The following ELMOD1 variants were observed in gnomAD, a reference collection of about 807,000 sequenced individuals.
ELMOD1 encodes the protein ELMO domain containing 1.
ELMOD1 carries 21 observed loss-of-function variants against 46.7 expected under a neutral mutation model. The observed-to-expected ratio is 0.45, with a 90% CI of 0.32 to 0.65. ELMOD1 has a LOEUF of 0.65. Among genes scored for constraint, ELMOD1 ranks in the 30% least tolerant of loss-of-function variants. The pLI, the probability that ELMOD1 is intolerant of heterozygous loss-of-function variation, is 0.04. For missense variants in ELMOD1, 348 were observed against 407.8 expected (o/e 0.85, Z 1.26); for synonymous variants, 122 against 138.2 (o/e 0.88, Z 0.82).
chr11:107,634,148 G>T (rs774442013), intron 5 of ELMOD1, among the ~76,000 whole-genome samples: 9 of 152,128 alleles, frequency 5.9e-5, no homozygotes, highest in Non-Finnish European at 1.3e-4. Context: ...CAAGACAAAA[G>T]ACTAGATTGG....
intron 9 of ELMOD1, among the ~76,000 whole-genome samples, chr11:107,651,717 A>C (rs1009516521): frequency 1.2e-4 from 18 of 152,240 alleles, no homozygotes; most frequent in South Asian, 6.2e-4. Flanking sequence ...TAATGTAGAG[A>C]CTCTAAACTC....
At chr11:107,606,771 A>G (rs895433940) in intron 1 of ELMOD1, among the ~76,000 whole-genome samples, 2 of 151,816 alleles carry the variant, frequency 1.3e-5, no homozygotes, top group South Asian at 4.2e-4. Context: ...GGAGGCGGAG[A>G]TTGCACCGCT....
chr11:107,663,182 C>A (rs376391262), intron 11 of ELMOD1, among the ~76,000 whole-genome samples: 7 of 152,126 alleles, frequency 4.6e-5, no homozygotes, highest in East Asian at 1.9e-4. Context: ...TGATACTTCC[C>A]GATTTGGGCC....
At chr11:107,627,031 A>G (rs912096768) in intron 2 of ELMOD1, among the ~76,000 whole-genome samples, 6 of 152,312 alleles carry the variant, frequency 3.9e-5, no homozygotes, top group African/African-American at 1.4e-4. Context: ...ACCTGCCTGG[A>G]CCAGGTTTAT....
chr11:107,637,130 A>G (rs1259879325), intron 6 of ELMOD1, among the ~76,000 whole-genome samples: 1 of 152,212 alleles, frequency 6.6e-6, no homozygotes, highest in Admixed American at 6.5e-5. Flanking sequence ...CATCTCGAGA[A>G]CTTGTATATG....
chr11:107,599,760 G>GAAA (rs1389152842), intron 1 of ELMOD1, among the ~76,000 whole-genome samples: 114 of 113,154 alleles, frequency 1.0e-3, no homozygotes, highest in African/African-American at 3.5e-3. Context: ...AAGAAAAAAA[G>GAAA]AAAAGAAAAA....
intron 6 of ELMOD1, chr11:107,643,864 A>G (rs1591128886): frequency 3.9e-6 from 1 of 255,704 alleles, no homozygotes; most frequent in African/African-American, 2.2e-5. Flanking sequence ...GCCCTCTGCC[A>G]TCACCACAGT....
chr11:107,650,758 C>T (rs1176992437), intron 8 of ELMOD1, 127 bp from the exon 9 acceptor site: 9 of 683,000 alleles, frequency 1.3e-5, no homozygotes, highest in South Asian at 1.2e-4. Context: ...GTTAAGAAGT[C>T]AGGGACCAAG....
chr11:107,651,386 C>T (rs867636140), intron 9 of ELMOD1, among the ~76,000 whole-genome samples: 11 of 152,130 alleles, frequency 7.2e-5, no homozygotes, highest in Non-Finnish European at 1.0e-4. Flanking sequence ...TTTTTCTCCT[C>T]GCATGATGGT....
At chr11:107,617,699 G>T (rs941416903) in intron 1 of ELMOD1, among the ~76,000 whole-genome samples, 3 of 152,148 alleles carry the variant, frequency 2.0e-5, no homozygotes, top group Non-Finnish European at 4.4e-5. Flanking sequence ...AGTTATTTTT[G>T]AGTTGTACTT....
intron 8 of ELMOD1, among the ~76,000 whole-genome samples, 161 bp downstream of exon 8, chr11:107,650,564 A>C (rs1866508827): frequency 6.6e-6 from 1 of 152,222 alleles, no homozygotes; most frequent in South Asian, 2.1e-4. Flanking sequence ...TTAAAACTTC[A>C]GGTACTCATT....
chr11:107,616,072 T>C (rs1169210392), intron 1 of ELMOD1, among the ~76,000 whole-genome samples: 1 of 143,386 alleles, frequency 7.0e-6, no homozygotes, highest in African/African-American at 2.6e-5. Context: ...CTTGCCTCAC[T>C]GCAACCTCTG....
At position 107,633,677 on chromosome 11, in the gene ELMOD1, C is replaced by T. The variant is rs151213403; in HGVS notation, c.291-1959C>T. On this transcript the variant is annotated intron_variant, in intron 5 of 11. Coordinates refer to ENST00000265840, the MANE Select transcript of ELMOD1 (RefSeq NM_018712.4). ...CAAACCCCTGACCTCGTGATCTGCC[C>T]GCCTCTGCCTCCCAAAGTGCTGAGA... 2.8e-3 allele frequency among the ~76,000 whole-genome samples: 430 copies of T among 152,178 alleles called. 1 individual carries two copies. Among genetic ancestry groups the T allele is most frequent in the African/African-American group, 9.6e-3 (398 of 41,524 alleles).
chr11:107,636,867 T>G (rs1422077802), intron 6 of ELMOD1, among the ~76,000 whole-genome samples: 1 of 152,248 alleles, frequency 6.6e-6, no homozygotes, highest in East Asian at 1.9e-4. Context: ...CTGGCCATTT[T>G]CTGATGGAGG....
At chr11:107,610,998 CAAAAAA>C (rs58417281) in intron 1 of ELMOD1, among the ~76,000 whole-genome samples, 20 of 95,776 alleles carry the variant, frequency 2.1e-4, no homozygotes, top group African/African-American at 6.1e-4. Flanking sequence ...TGTAAGAATC[CAAAAAA>C]AAAAAAAAAA....
chr11:107,628,195 T>C (rs1382740462), intron 2 of ELMOD1, among the ~76,000 whole-genome samples: 3 of 151,768 alleles, frequency 2.0e-5, no homozygotes, highest in Non-Finnish European at 4.4e-5. Flanking sequence ...TGAGACAGAG[T>C]CTTGCTCTGT....
intron 2 of ELMOD1, chr11:107,625,296 T>A: frequency 3.0e-6 from 2 of 674,000 alleles, no homozygotes; most frequent in Non-Finnish European, 1.8e-6. Flanking sequence ...GACATTTAGA[T>A]GAAAAGTATT....
chr11:107,620,076 AT>A (rs1378338149), intron 2 of ELMOD1: 1 of 152,176 alleles, frequency 6.6e-6, no homozygotes, highest in Non-Finnish European at 1.5e-5. Context: ...CAATCTTTTC[AT>A]TTGAACCAAA....
rs766481819 is a variant in ELMOD1, at chr11:107,656,019, A to G, written c.785A>G (p.Asn262Ser). ...GGAGCTCTAAAAACCCATTTCTACA[A>G]TATCGCCCCAGAAGCTCCAACATTG... ...VSGALKTHFY[N>S]IAPEAPTLSH... The change falls in exon 11 of 12, where the codon AAT (asparagine) becomes AGT (serine). Residue 262 changes from asparagine (N) to serine (S), a missense_variant. Physicochemically the swap from Asn to Ser is conservative, Grantham distance 46. Transcript: ENST00000265840. The G allele has an allele frequency of 2.9e-5, 45 of 1,564,858 alleles. No homozygotes were observed. The highest frequency in any genetic ancestry group is 9.3e-5 in the East Asian group (4 of 43,076).
Sources: gnomAD v4.1 joint callset for allele counts (sites outside exome capture counted in the v4.1 genomes callset) on GRCh38, gnomAD v4.1.1 for gene constraint, MANE v1.5 for transcripts, NCBI Gene and HGNC (gene_info 2026-07-23, HGNC 2026-07-21) for gene names.